TMEM131: variants seen among roughly 807,000 people sequenced by gnomAD.
TMEM131 encodes transmembrane protein 131, also known as 2610524E03Rik.
In TMEM131, 66 loss-of-function variants were observed where a neutral mutation model predicts 211.6. That is an observed-to-expected ratio of 0.31 (90% CI 0.26 to 0.38). The LOEUF is 0.38. TMEM131 is among the 10% of genes least tolerant of loss of function. TMEM131 has a pLI of 1.00. For synonymous variants in TMEM131, 844 were observed against 841.3 expected, an observed-to-expected ratio of 1.00 and a Z score of -0.06; for missense variants, 2,036 against 2,299.3, an observed-to-expected ratio of 0.89 and a Z score of 2.34.
chr2:97,878,164 C>G (rs1282496079), intron 4 of TMEM131, among the ~76,000 whole-genome samples: 1 of 152,190 alleles, frequency 6.6e-6, no homozygotes, highest in Non-Finnish European at 1.5e-5. Flanking sequence ...CATCTCACAC[C>G]AGTTAGAATG....
At chr2:97,846,587 C>A (rs1236022040) in intron 5 of TMEM131, among the ~76,000 whole-genome samples, 1 of 151,868 alleles carries the variant, frequency 6.6e-6, no homozygotes, top group Non-Finnish European at 1.5e-5. Flanking sequence ...GTCCATCCTG[C>A]AGCCCATGGG....
chr2:97,963,562 A>C (rs1678913148), intron 1 of TMEM131, among the ~76,000 whole-genome samples: 1 of 152,156 alleles, frequency 6.6e-6, no homozygotes, highest in African/African-American at 2.4e-5. Flanking sequence ...TAAAATTACA[A>C]AAATTAGCTG....
rs760575435 is a variant in TMEM131 at position 97,766,458 on chromosome 2, A to G, written c.4573+20T>C. 6.2e-7 allele frequency: 1 copy of G among 1,613,942 alleles called. No individual in the cohort carries two copies. The highest frequency in any genetic ancestry group is 8.5e-7 in the Non-Finnish European group (1 of 1,179,868). ...GAAAAGATCCGTAAGACATGATCAT[A>G]GAGAACAAGATGACAATACCTTTTG... is the stretch of plus-strand genomic sequence containing the variant. On this transcript the variant is annotated intron_variant, in intron 34 of 40. Coordinates refer to ENST00000186436, the MANE Select transcript of TMEM131 (RefSeq NM_015348.2).
chr2:97,980,003 T>C (rs534959372), intron 1 of TMEM131, among the ~76,000 whole-genome samples: 5 of 152,300 alleles, frequency 3.3e-5, no homozygotes, highest in African/African-American at 1.2e-4. Flanking sequence ...AATTTCAATA[T>C]TGTTGTCTCA....
intron 12 of TMEM131, among the ~76,000 whole-genome samples, chr2:97,816,196 C>T (rs1214923435): frequency 6.6e-6 from 1 of 152,052 alleles, no homozygotes; most frequent in Non-Finnish European, 1.5e-5. Context: ...CAAAAACTAG[C>T]CAGGTGTGGT....
chr2:97,958,052 A>C (rs1398369521), intron 1 of TMEM131, among the ~76,000 whole-genome samples: 1 of 152,316 alleles, frequency 6.6e-6, no homozygotes, highest in East Asian at 1.9e-4. Context: ...ACGGAGGTTA[A>C]GGTAGGGCAT....
chr2:97,972,379 A>AC (rs1679336036), intron 1 of TMEM131, among the ~76,000 whole-genome samples: 1 of 151,092 alleles, frequency 6.6e-6, no homozygotes. Flanking sequence ...CCTGGGTGAC[A>AC]GAATGAGATC....
chr2:97,801,928 C>G lies in TMEM131; in HGVS notation c.2685G>C (p.Leu895Phe), dbSNP rs774946900. ...FNLSKVAKIDLRTLEFQVFRN... is the reference protein window; with the variant it reads ...FNLSKVAKIDFRTLEFQVFRN... ...TGAAGACTTGAAATTCTAGTGTTCTCAAATCTATCTTTGCCACCTTACTCA... is the reference window on the plus strand; with the variant it reads ...TGAAGACTTGAAATTCTAGTGTTCTGAAATCTATCTTTGCCACCTTACTCA... The change falls in exon 25 of 41, where the codon TTG (leucine) becomes TTC (phenylalanine). Residue 895 changes from leucine to phenylalanine, a missense_variant. Transcript: ENST00000186436. 5.6e-6 allele frequency: 9 copies of G among 1,608,206 alleles called. No individual in the cohort carries two copies. The highest frequency in any genetic ancestry group is 7.6e-6 in the Non-Finnish European group (9 of 1,177,434).
At chr2:97,842,832 T>C (rs1287640097) in intron 6 of TMEM131, among the ~76,000 whole-genome samples, 2 of 152,204 alleles carry the variant, frequency 1.3e-5, no homozygotes, top group Admixed American at 6.5e-5. Context: ...ATTTTTATGA[T>C]AGTCTTTTCA....
intron 4 of TMEM131, among the ~76,000 whole-genome samples, chr2:97,861,735 T>C (rs565722204): frequency 6.6e-6 from 1 of 152,182 alleles, no homozygotes; most frequent in East Asian, 1.9e-4. Context: ...CTAAGGTGTT[T>C]GACTCCAGTC....
In TMEM131 at chr2:97,841,837, T is replaced by C. The variant is rs768360062; in HGVS notation, c.701A>G (p.Asn234Ser). The C allele has an allele frequency of 6.3e-6, 10 of 1,598,576 alleles. No homozygotes were observed. Among genetic ancestry groups the C allele is most frequent in the South Asian group, 2.3e-5 (2 of 88,088 alleles). ...SSFSPIINIH[N>S]PHSEPLQVVE... is the part of the protein sequence containing the mutation. ...CACCTGTAAAGGCTCACTGTGAGGA[T>C]TGTGGATGTTTATTATAGGTGAGAA... Residue 234 changes from asparagine (N) to serine (S), a missense_variant, in exon 7 of 41, where the codon AAT (asparagine) becomes AGT (serine). Physicochemically the swap from Asn to Ser is conservative, Grantham distance 46. Around this residue, in one of 3 missense-constraint regions of TMEM131, gnomAD observed 277 missense variants for 378.0 expected, o/e 0.73. Transcript: ENST00000186436.
At chr2:97,916,042 T>A (rs1676493416) in intron 2 of TMEM131, among the ~76,000 whole-genome samples, 1 of 152,144 alleles carries the variant, frequency 6.6e-6, no homozygotes, top group Non-Finnish European at 1.5e-5. Flanking sequence ...GCCTCCCAAG[T>A]AGCTGGGACT....
At chr2:97,983,623 C>T (rs532530984) in intron 1 of TMEM131, among the ~76,000 whole-genome samples, 2 of 152,328 alleles carry the variant, frequency 1.3e-5, no homozygotes, top group South Asian at 4.1e-4. Flanking sequence ...TGGTTACCTC[C>T]TCCTCCTTGC....
intron 3 of TMEM131, among the ~76,000 whole-genome samples, chr2:97,896,071 G>A (rs913874139): frequency 7.9e-5 from 12 of 152,036 alleles, no homozygotes; most frequent in South Asian, 2.1e-4. Flanking sequence ...TTGTGTCTTC[G>A]TTCTCATTGG....
chr2:97,888,347 A>G (rs963186241), intron 3 of TMEM131, among the ~76,000 whole-genome samples: 11 of 152,234 alleles, frequency 7.2e-5, no homozygotes, highest in Non-Finnish European at 1.5e-4. Context: ...AGGTATATGC[A>G]AATAGAAAAT....
chr2:97,792,820 G>A lies in TMEM131; in HGVS notation c.3710C>T (p.Ala1237Val), dbSNP rs749344254. 1 of 1,613,920 alleles carries A rather than the reference G, an allele frequency of 6.2e-7. No individual in the cohort carries two copies. Reference protein sequence around the residue: ...RNSADVENVRAKNSSSTSSRT... With the variant: ...RNSADVENVRVKNSSSTSSRT... ...ACTAGAGGTACTTGAACTGTTTTTG[G>A]CTCTGACGTTTTCCACGTCAGCTGA... Residue 1237 changes from alanine to valine, a missense_variant, in exon 31 of 41, where the codon GCC becomes GTC. Ala to Val is a moderately conservative substitution (Grantham distance 64, BLOSUM62 0). Around this residue, in one of 3 missense-constraint regions of TMEM131, gnomAD observed 1,623 missense variants for 1,805.9 expected, o/e 0.90. Transcript: ENST00000186436.
chr2:97,830,083 A>G (rs1682589090), intron 11 of TMEM131, among the ~76,000 whole-genome samples: 1 of 148,936 alleles, frequency 6.7e-6, no homozygotes, highest in African/African-American at 2.5e-5. Flanking sequence ...TATTCAACTG[A>G]AAACTCATGT....
At chr2:97,802,058 T>C (rs1681060835) in intron 24 of TMEM131, 97 bp from the exon 25 acceptor site, 4 of 800,440 alleles carry the variant, frequency 5.0e-6, no homozygotes, top group Non-Finnish European at 7.7e-6. Flanking sequence ...TTTCAAATTA[T>C]TGTCTGTCAG....
chr2:97,952,827 A>G (rs1213640223), intron 1 of TMEM131, among the ~76,000 whole-genome samples: 2 of 152,304 alleles, frequency 1.3e-5, no homozygotes, highest in South Asian at 2.1e-4. Flanking sequence ...GCAGTGAGCC[A>G]TGATTGTGCC....
Sources: gnomAD v4.1 joint callset for allele counts (sites outside exome capture counted in the v4.1 genomes callset) on GRCh38, gnomAD v4.1.1 for gene constraint, gnomAD v4.1.1 regional missense constraint, MANE v1.5 for transcripts, NCBI Gene and HGNC (gene_info 2026-07-23, HGNC 2026-07-21) for gene names.